The following BRPF1 variants were observed in gnomAD, a reference collection of about 807,000 sequenced individuals.
BRPF1 encodes bromodomain and PHD finger containing 1.
In BRPF1, 15 loss-of-function variants were observed where a neutral mutation model predicts 115.0. The observed-to-expected ratio is 0.13, with a 90% CI of 0.09 to 0.20. The LOEUF is 0.20. Among genes scored for constraint, BRPF1 ranks in the 10% least tolerant of loss-of-function variants. The pLI, the probability that BRPF1 is intolerant of heterozygous loss-of-function variation, is 1.00. For synonymous variants in BRPF1, 647 were observed against 619.8 expected (o/e 1.04, Z -0.65); for missense variants, 1,118 against 1,638.3 (o/e 0.68, Z 5.48).
chr3:9,734,286 A>G lies in BRPF1; in HGVS notation c.146A>G (p.Asn49Ser), dbSNP rs774820384. Residue 49 changes from asparagine (N) to serine (S), a missense_variant, in exon 2 of 14, where the codon AAC becomes AGC. This residue lies in a region of BRPF1 where 280 missense variants were observed against 382.8 expected (regional missense o/e 0.73). Transcript: ENST00000383829. This position sits in a 1 kb window ranked among gnomAD's most constrained non-coding sequence, Gnocchi z 5.7. ...CACCTGTACCACTATGACCACGACAACCCACCACCCCCACAACAAACTCCA... is the reference window on the plus strand; with the variant it reads ...CACCTGTACCACTATGACCACGACAGCCCACCACCCCCACAACAAACTCCA... Reference protein sequence around the residue: ...EYHLYHYDHDNPPPPQQTPLR... With the variant: ...EYHLYHYDHDSPPPPQQTPLR... 1 of 1,613,978 alleles carries G rather than the reference A, an allele frequency of 6.2e-7. No individual in the cohort carries two copies. The highest frequency in any genetic ancestry group is 1.1e-5 in the South Asian group (1 of 91,066).
At position 9,743,546 on chromosome 3, in the gene BRPF1, G is replaced by A. The variant is rs779575631; in HGVS notation, c.2312-32G>A. On this transcript the variant is annotated intron_variant, in intron 7 of 13. Transcript: ENST00000383829. The surrounding 1 kb of genome is among the most constrained non-coding windows in gnomAD (Gnocchi z 6.1). ...CAAGGGGCCCTGAGGGCTGCCCTGA[G>A]TCTGACCTTTCCCCTCCAACCCTAC... is the stretch of plus-strand genomic sequence containing the variant. 1 of 1,593,862 alleles carries A rather than the reference G, an allele frequency of 6.3e-7. No homozygotes were observed. The highest frequency in any genetic ancestry group is 2.2e-5 in the East Asian group (1 of 44,680).
rs1295529198 is a variant in BRPF1, at chr3:9,734,750, C to G, written c.599+11C>G. ...AACTTCCTATTACCGGTAAGGCCAC[C>G]TCTACCTTGCAGCTCTGGAAAACTG... is the stretch of plus-strand genomic sequence containing the variant. On this transcript the variant is annotated intron_variant, in intron 2 of 13. Coordinates refer to ENST00000383829, the MANE Select transcript of BRPF1 (RefSeq NM_001003694.2). This position sits in a 1 kb window ranked among gnomAD's most constrained non-coding sequence, Gnocchi z 5.7. 1 of 1,612,808 alleles carries G rather than the reference C, an allele frequency of 6.2e-7. No homozygotes were observed. Among genetic ancestry groups the G allele is most frequent in the Non-Finnish European group, 8.5e-7 (1 of 1,178,968 alleles).
At position 9,739,240 on chromosome 3, in the gene BRPF1, G is replaced by C; in HGVS notation, c.841G>C (p.Asp281His). 6.2e-7 allele frequency: 1 copy of C among 1,613,398 alleles called. No homozygotes were observed. Among genetic ancestry groups the C allele is most frequent in the Non-Finnish European group, 8.5e-7 (1 of 1,179,388 alleles). The change falls in exon 3 of 14, where the codon GAT becomes CAT. Residue 281 changes from aspartate (D) to histidine (H), a missense_variant. Transcript: ENST00000383829. ...GGATGCTGTTTGCTGTATCTGCAATGATGGTGAGTGCCAGAACAGCAATGT... is the reference window on the plus strand; with the variant it reads ...GGATGCTGTTTGCTGTATCTGCAATCATGGTGAGTGCCAGAACAGCAATGT... ...DEDAVCCICN[D>H]GECQNSNVIL...
rs2076905018 is a variant in BRPF1, at chr3:9,734,396, G to A, written c.256G>A (p.Gly86Ser). 4 of 1,614,084 alleles carry A rather than the reference G, an allele frequency of 2.5e-6. No individual in the cohort carries two copies. Among genetic ancestry groups the A allele is most frequent in the Non-Finnish European group, 3.4e-6 (4 of 1,180,020 alleles). Residue 86 changes from glycine to serine, a missense_variant, in exon 2 of 14, where the codon GGC becomes AGC. By Grantham distance (56) the Gly-to-Ser change is moderately conservative (BLOSUM62 0). This residue lies in a region of BRPF1 where 280 missense variants were observed against 382.8 expected (regional missense o/e 0.73). Coordinates refer to ENST00000383829, the MANE Select transcript of BRPF1 (RefSeq NM_001003694.2). The surrounding 1 kb of genome is among the most constrained non-coding windows in gnomAD (Gnocchi z 5.7). ...PSPSEVSQSPGREVMSYAQAQ... is the reference protein window; with the variant it reads ...PSPSEVSQSPSREVMSYAQAQ... ...CCCCTCAGAGGTCTCACAGTCACCA[G>A]GCCGTGAGGTGATGAGCTATGCACA...
rs1419486104 is a variant in BRPF1 at position 9,732,128 on chromosome 3, C to G, written c.-21C>G. The G allele has an allele frequency of 6.6e-6, 1 of 152,340 alleles. No homozygotes were observed. Among genetic ancestry groups the G allele is most frequent in the Non-Finnish European group, 1.5e-5 (1 of 68,162 alleles). 9.4% of individuals were successfully genotyped at this position (152,340 alleles called of 1,614,324 possible). On this transcript the variant is annotated 5_prime_UTR_variant, in exon 1 of 14. Transcript: ENST00000383829. ...GCGCCCCCGGCGATGAGCCCGGACT[C>G]GAGGTGGCCGGTGAGTGCGGGCCTG...
intron 3 of BRPF1, 51 bp from the exon 4 acceptor site, chr3:9,740,728 T>G (rs1306988024): frequency 6.2e-7 from 1 of 1,603,610 alleles, no homozygotes. Context: ...CTTGCTCTGC[T>G]TAAGAGAATC....
At chr3:9,740,053 A>C (rs142566543) in intron 3 of BRPF1, 95 bp downstream of exon 3, 3 of 1,445,062 alleles carry the variant, frequency 2.1e-6, no homozygotes, top group South Asian at 3.0e-5. Context: ...GGGCTGGGCT[A>C]TCTTCCCAGG....
At chr3:9,741,193 A>G (rs1028956078) in intron 4 of BRPF1, 115 bp from the exon 5 acceptor site, 42 of 1,337,468 alleles carry the variant, frequency 3.1e-5, no homozygotes, top group Non-Finnish European at 3.8e-5. Flanking sequence ...GGCACTACCA[A>G]TAAATTACTG....
chr3:9,739,952 C>A lies in BRPF1; in HGVS notation c.1553C>A (p.Pro518Gln). 6.3e-7 allele frequency: 1 copy of A among 1,576,130 alleles called. No homozygotes were observed. Among genetic ancestry groups the A allele is most frequent in the Non-Finnish European group, 8.6e-7 (1 of 1,161,048 alleles). ...GTGGTGTCAGTGCCCTGCATCCCAC[C>A]ACACAGGTATGTGGGGAGCCGGTGG... ...APVVSVPCIP[P>Q]HRLSKITNRL... The change falls in exon 3 of 14, where the codon CCA (proline) becomes CAA (glutamine). Residue 518 changes from proline to glutamine, a missense_variant. Physicochemically the swap from Pro to Gln is moderately conservative, Grantham distance 76. Around this residue, in one of 10 missense-constraint regions of BRPF1, gnomAD observed 178 missense variants for 303.7 expected, o/e 0.59. Coordinates refer to ENST00000383829, the MANE Select transcript of BRPF1 (RefSeq NM_001003694.2).
chr3:9,744,956 A>T (rs1309667038), intron 9 of BRPF1, 52 bp from the exon 10 acceptor site: 2 of 1,611,894 alleles, frequency 1.2e-6, no homozygotes, highest in Non-Finnish European at 1.7e-6. Context: ...GTCATCTCTG[A>T]TCTACATCTT....
chr3:9,744,529 GCCC>G (rs2077089663), intron 9 of BRPF1, 21 bp downstream of exon 9: 1 of 1,483,976 alleles, frequency 6.7e-7, no homozygotes, highest in Non-Finnish European at 9.0e-7. Context: ...CCATCACCCA[GCCC>G]CCCAAGAGAG....
At chr3:9,741,208 C>T in intron 4 of BRPF1, 100 bp from the exon 5 acceptor site, 2 of 1,402,452 alleles carry the variant, frequency 1.4e-6, no homozygotes, top group South Asian at 1.4e-5. Flanking sequence ...TTACTGTGCT[C>T]CCTCTTTTGG....
intron 2 of BRPF1, among the ~76,000 whole-genome samples, chr3:9,736,099 C>T (rs2076936937): frequency 7.3e-6 from 1 of 136,766 alleles, no homozygotes; most frequent in Non-Finnish European, 1.5e-5. Context: ...GCGACCTCCA[C>T]TGGGTTCAAG....
chr3:9,742,334 TC>T (rs757431304), intron 6 of BRPF1, 163 bp downstream of exon 6: 20 of 985,360 alleles, frequency 2.0e-5, no homozygotes, highest in East Asian at 2.3e-4. Context: ...CTCTGTCTTG[TC>T]CCTGTCACAC....
At position 9,747,375 on chromosome 3, in the gene BRPF1, A is replaced by T. The variant is rs374269970; in HGVS notation, c.*26A>T. 1.9e-6 allele frequency: 3 copies of T among 1,604,978 alleles called. No homozygotes were observed. In the South Asian group the frequency reaches 3.3e-5, roughly 18 times the overall value. ...TACTGCTCAACACAGCCCAACCTATAGTGCCCTGTGACTTCTCTCCTCCCC... is the reference window on the plus strand; with the variant it reads ...TACTGCTCAACACAGCCCAACCTATTGTGCCCTGTGACTTCTCTCCTCCCC... On this transcript the variant is annotated 3_prime_UTR_variant, in exon 14 of 14. Transcript: ENST00000383829. This position sits in a 1 kb window ranked among gnomAD's most constrained non-coding sequence, Gnocchi z 5.6.
chr3:9,744,698 A>T (rs1355701078), intron 9 of BRPF1, among the ~76,000 whole-genome samples, 190 bp downstream of exon 9: 2 of 152,250 alleles, frequency 1.3e-5, no homozygotes, highest in Non-Finnish European at 2.9e-5. Context: ...ACCCAGCTAA[A>T]GTCCCATCCA....
Position 9,745,940 on chromosome 3 carries a change from C to T in BRPF1, c.3324+10C>T, listed in dbSNP as rs1421427180. Reference sequence around the variant, plus strand: ...ATCATACCCAGCTCTGGTATGCTTGCTTCTGTTACACTTCTTGCTTTCCAA... The same window carrying T: ...ATCATACCCAGCTCTGGTATGCTTGTTTCTGTTACACTTCTTGCTTTCCAA... On this transcript the variant is annotated intron_variant, in intron 12 of 13. Transcript: ENST00000383829. This position sits in a 1 kb window ranked among gnomAD's most constrained non-coding sequence, Gnocchi z 5.1. The T allele has an allele frequency of 6.2e-7, 1 of 1,603,552 alleles. No individual in the cohort carries two copies. Among genetic ancestry groups the T allele is most frequent in the Non-Finnish European group, 8.5e-7 (1 of 1,174,442 alleles).
chr3:9,744,015 C>T (rs2077078529), intron 8 of BRPF1, 114 bp downstream of exon 8: 3 of 1,349,612 alleles, frequency 2.2e-6, no homozygotes, highest in Admixed American at 2.6e-5. Flanking sequence ...GCTAGCTGTA[C>T]TTTCTCCCTC....
rs2076909306 is a variant in BRPF1 at position 9,734,572 on chromosome 3, T to C, written c.432T>C (p.Ala144=). 2 of 1,614,140 alleles carry C rather than the reference T, an allele frequency of 1.2e-6. No homozygotes were observed. Among genetic ancestry groups the C allele is most frequent in the East Asian group, 2.2e-5 (1 of 44,888 alleles). The part of the protein sequence containing the change: ...SNKENTETPA[A]TPKSGKHKNK... ...AGGAGAACACTGAGACACCAGCTGC[T>C]ACTCCCAAGTCAGGCAAACATAAGA... The change falls in exon 2 of 14, where the codon GCT becomes GCC. Residue 144 remains alanine, a synonymous_variant. Transcript: ENST00000383829. The surrounding 1 kb of genome is among the most constrained non-coding windows in gnomAD (Gnocchi z 5.7).
Sources: allele counts gnomAD v4.1 joint callset (sites outside exome capture counted in the v4.1 genomes callset), GRCh38; gene constraint gnomAD v4.1.1; regional missense constraint gnomAD v4.1.1; non-coding constraint Gnocchi (gnomAD v3.1); transcripts MANE v1.5; gene names NCBI Gene and HGNC (gene_info 2026-07-23, HGNC 2026-07-21).